Variants in ELAVL2 observed in about 807,000 individuals in gnomAD.
ELAVL2 encodes ELAV like RNA binding protein 2.
ELAVL2 carries 4 observed loss-of-function variants against 34.6 expected under a neutral mutation model. That is an observed-to-expected ratio of 0.12 (90% CI 0.06 to 0.26). The LOEUF (loss-of-function observed/expected upper bound fraction) is 0.26, where lower values mean the gene tolerates loss of function less well. Among genes scored for constraint, ELAVL2 ranks in the 10% least tolerant of loss-of-function variants. The pLI, the probability that ELAVL2 is intolerant of heterozygous loss-of-function variation, is 1.00. For synonymous variants in ELAVL2, 193 were observed against 154.8 expected, an observed-to-expected ratio of 1.25 and a Z score of -1.83; for missense variants, 432 against 442.8, an observed-to-expected ratio of 0.98 and a Z score of 0.22.
At chr9:23,707,255 A>C (rs757860213) in intron 3 of ELAVL2, among the ~76,000 whole-genome samples, 22 of 152,244 alleles carry the variant, frequency 1.4e-4, no homozygotes, top group Non-Finnish European at 2.6e-4. Context: ...AAGGCCAATG[A>C]ATTATATATG....
chr9:23,824,019 G>T (rs1349004266), intron 1 of ELAVL2, among the ~76,000 whole-genome samples: 1 of 152,306 alleles, frequency 6.6e-6, no homozygotes, highest in Non-Finnish European at 1.5e-5. Context: ...AGAGGGGGAA[G>T]GGACAGAATC....
the ELAVL2 span, among the ~76,000 whole-genome samples, chr9:23,834,170 G>A: frequency 3.9e-5 from 6 of 152,048 alleles, no homozygotes; most frequent in East Asian, 1.2e-3. Context: ...AAATAACTCA[G>A]TTAATATGTT....
At chr9:23,795,359 C>T (rs2060792101) in intron 1 of ELAVL2, among the ~76,000 whole-genome samples, 1 of 152,026 alleles carries the variant, frequency 6.6e-6, no homozygotes, top group African/African-American at 2.4e-5. Flanking sequence ...GCGTGGCCAA[C>T]ATGGTAAAAT....
chr9:23,761,877 A>C, intron 2 of ELAVL2, 129 bp downstream of exon 2: 6 of 1,250,710 alleles, frequency 4.8e-6, no homozygotes, highest in Non-Finnish European at 6.4e-6. Flanking sequence ...TTGCTGATGT[A>C]ATAACAGAGA....
chr9:23,830,626 C>CT (rs1166898887), upstream of ELAVL2, among the ~76,000 whole-genome samples: 840 of 72,524 alleles, frequency 0.012, 8 homozygotes, highest in Admixed American at 0.07. Context: ...ACACACACAC[C>CT]TTTTTTTTTT....
intron 4 of ELAVL2, among the ~76,000 whole-genome samples, chr9:23,704,549 G>C (rs1055096629): frequency 6.6e-6 from 1 of 151,852 alleles, no homozygotes; most frequent in Non-Finnish European, 1.5e-5. Context: ...GCTGCATACC[G>C]CTGCATTAAA....
chr9:23,817,780 A>G (rs1411835936), intron 1 of ELAVL2, among the ~76,000 whole-genome samples: 2 of 152,254 alleles, frequency 1.3e-5, no homozygotes, highest in Admixed American at 6.5e-5. Context: ...CTAGTGAAAA[A>G]TGTCCTAAGT....
rs2058355551 is a variant in ELAVL2 at position 23,777,236 on chromosome 9, A to AC, written c.-15-14988dup. ...AAAGAAATTCTCGCTATCATCCACT[A>AC]CTTTAATCTGAGATGGGTATGAACA... On this transcript the variant is annotated intron_variant, in intron 1 of 6. Coordinates refer to ENST00000397312, the MANE Select transcript of ELAVL2 (RefSeq NM_004432.5). 2.0e-5 allele frequency among the ~76,000 whole-genome samples: 3 copies of AC among 152,156 alleles called. No individual in the cohort carries two copies. The South Asian group carries it at 6.2e-4, about 32-fold the overall frequency.
chr9:23,798,905 A>C (rs2061275456), intron 1 of ELAVL2, among the ~76,000 whole-genome samples: 1 of 152,216 alleles, frequency 6.6e-6, no homozygotes, highest in Non-Finnish European at 1.5e-5. Flanking sequence ...AGATAGATAT[A>C]ATTACAACCT....
chr9:23,704,151 T>TTTTTTTTTTTTTTTTTTTTTTTTTTTGA (rs1473637219), intron 4 of ELAVL2, among the ~76,000 whole-genome samples: 1 of 151,848 alleles, frequency 6.6e-6, no homozygotes, highest in African/African-American at 2.4e-5. Flanking sequence ...ACGCTGGTCT[T>TTTTTTTTTTTTTTTTTTTTTTTTTTTGA]GAACTCCCAG....
At chr9:23,732,812 G>A (rs965080621) in intron 2 of ELAVL2, among the ~76,000 whole-genome samples, 1 of 152,036 alleles carries the variant, frequency 6.6e-6, no homozygotes, top group Admixed American at 6.6e-5. Context: ...TCTCTAAAAC[G>A]AGGGTAATTC....
chr9:23,768,143 G>A (rs1328344222), intron 1 of ELAVL2, among the ~76,000 whole-genome samples: 1 of 152,172 alleles, frequency 6.6e-6, no homozygotes, highest in Non-Finnish European at 1.5e-5. Context: ...CCTATCAAAT[G>A]AAGTGTAAAC....
At chr9:23,728,797 T>C (rs1293077653) in intron 3 of ELAVL2, among the ~76,000 whole-genome samples, 1 of 152,094 alleles carries the variant, frequency 6.6e-6, no homozygotes, top group Non-Finnish European at 1.5e-5. Flanking sequence ...AAGGGGGTGC[T>C]ATATACTTGT....
chr9:23,774,055 C>CA (rs1434524563), intron 1 of ELAVL2, among the ~76,000 whole-genome samples: 1 of 151,366 alleles, frequency 6.6e-6, no homozygotes, highest in Non-Finnish European at 1.5e-5. Flanking sequence ...ATTAAAAATA[C>CA]AAAAAATTAG....
intron 1 of ELAVL2, among the ~76,000 whole-genome samples, chr9:23,805,741 T>G (rs899003736): frequency 6.6e-6 from 1 of 152,064 alleles, no homozygotes; most frequent in African/African-American, 2.4e-5. Context: ...ATTCTTCTGA[T>G]AGCCGAAGAG....
Position 23,762,319 on chromosome 9 carries a change from T to C in ELAVL2, c.-15-70A>G, listed in dbSNP as rs749981667. The C allele has an allele frequency of 1.9e-6, 3 of 1,549,836 alleles. No individual in the cohort carries two copies. In the East Asian group the frequency reaches 6.8e-5, roughly 35 times the overall value. On this transcript the variant is annotated intron_variant, in intron 1 of 6. Transcript: ENST00000397312. ...ACCTATTAGAGACTCCATCCAAGAA[T>C]TTAAACACTTGTCACTAAACACAAG...
At chr9:23,791,499 G>A (rs1403983040) in intron 1 of ELAVL2, among the ~76,000 whole-genome samples, 1 of 152,014 alleles carries the variant, frequency 6.6e-6, no homozygotes. Flanking sequence ...CAGTAGAAAC[G>A]GTACTTCAAG....
intron 1 of ELAVL2, among the ~76,000 whole-genome samples, chr9:23,779,993 A>C (rs1299762041): frequency 1.0e-4 from 1 of 9,762 alleles, no homozygotes; most frequent in African/African-American, 1.7e-3. Context: ...AAAAAAAAAA[A>C]AAAAAAAAAA....
chr9:23,819,308 C>T (rs1204110299), intron 1 of ELAVL2, among the ~76,000 whole-genome samples: 5 of 152,046 alleles, frequency 3.3e-5, no homozygotes, highest in African/African-American at 1.2e-4. Context: ...TTGTTTTTCT[C>T]TTGTGAAGAG....
Sources: gnomAD v4.1 joint callset for allele counts (sites outside exome capture counted in the v4.1 genomes callset) on GRCh38, gnomAD v4.1.1 for gene constraint, MANE v1.5 for transcripts, NCBI Gene and HGNC (gene_info 2026-07-23, HGNC 2026-07-21) for gene names.